RUSF1: variants seen among roughly 807,000 people sequenced by gnomAD.
RUSF1 encodes the protein RUS1 family protein C16orf58.
RUSF1 carries 58 observed loss-of-function variants against 63.0 expected under a neutral mutation model. The ratio of observed to expected loss-of-function variants is 0.92; its 90% confidence interval spans 0.75 to 1.15. The LOEUF (loss-of-function observed/expected upper bound fraction) is 1.15. Among genes scored for constraint, RUSF1 ranks in the 50% most tolerant of loss-of-function variants. RUSF1 has a pLI of 0.00. For missense variants in RUSF1, 652 were observed against 611.0 expected (o/e 1.07, Z -0.71); for synonymous variants, 274 against 255.8 (o/e 1.07, Z -0.68).
At position 31,492,043 on chromosome 16, in the gene RUSF1, T is replaced by G. The variant is rs764468923; in HGVS notation, c.1275A>C (p.Glu425Asp). 4 of 1,614,150 alleles carry G rather than the reference T, an allele frequency of 2.5e-6. No individual in the cohort carries two copies. The highest frequency in any genetic ancestry group is 3.4e-6 in the Non-Finnish European group (4 of 1,180,010). The change falls in exon 12 of 13, where the codon GAA (glutamate) becomes GAC (aspartate). Residue 425 changes from glutamate to aspartate, a missense_variant. By Grantham distance (45) the Glu-to-Asp change is conservative (BLOSUM62 2). Coordinates refer to ENST00000327237, the MANE Select transcript of RUSF1 (RefSeq NM_022744.4). The stretch of plus-strand genomic sequence containing the variant: ...ACTTTGGGAACAGCATGTCCAACAC[T>G]TCGTGTGTCTCCTTGACGACGACCC... Reference protein sequence around the residue: ...ESWVVVKETHEVLDMLFPKFL... With the variant: ...ESWVVVKETHDVLDMLFPKFL...
rs577520003 is a variant in RUSF1 at position 31,499,334 on chromosome 16, T to G, written c.568A>C (p.Thr190Pro). 1 of 1,613,724 alleles carries G rather than the reference T, an allele frequency of 6.2e-7. No homozygotes were observed. Among genetic ancestry groups the G allele is most frequent in the Non-Finnish European group, 8.5e-7 (1 of 1,179,844 alleles). The stretch of plus-strand genomic sequence containing the variant: ...AGGTTGCTGGTGGAGACGGTCATGG[T>G]GAAACAGATTGGGTATACAGGAGCC... ...IMAPVYPICF[T>P]MTVSTSNLAK... Residue 190 changes from threonine to proline, a missense_variant, in exon 5 of 13, where the codon ACC (threonine) becomes CCC (proline). Coordinates refer to ENST00000327237, the MANE Select transcript of RUSF1 (RefSeq NM_022744.4).
In RUSF1 at chr16:31,489,520, C is replaced by G. The variant is rs2082540456; in HGVS notation, c.*1315G>C. 1 of 647,674 alleles carries G rather than the reference C, an allele frequency of 1.5e-6. No individual in the cohort carries two copies. Among genetic ancestry groups the G allele is most frequent in the Non-Finnish European group, 2.7e-6 (1 of 365,188 alleles). The allele number at this position is 647,674 out of a possible 1,614,324, so 40.1% of individuals were successfully genotyped here. ...TTTAAATACATTTATTTGAACCGGC[C>G]TGGGGGAGGCTTGATGTTGATGGGT... On this transcript the variant is annotated 3_prime_UTR_variant, in exon 13 of 13. Transcript: ENST00000327237.
chr16:31,508,062 G>T lies in RUSF1; in HGVS notation c.300+12C>A. On this transcript the variant is annotated intron_variant, in intron 1 of 12. Coordinates refer to ENST00000327237, the MANE Select transcript of RUSF1 (RefSeq NM_022744.4). ...GCCTGCACTGTCCTCTGCCCCAGAC[G>T]ACCGAGCTGACCTGCACGGAATCCC... is the stretch of plus-strand genomic sequence containing the variant. 6.3e-7 allele frequency: 1 copy of T among 1,595,830 alleles called. No individual in the cohort carries two copies. Among genetic ancestry groups the T allele is most frequent in the Non-Finnish European group, 8.5e-7 (1 of 1,172,346 alleles).
At position 31,489,765 on chromosome 16, in the gene RUSF1, C is replaced by T. The variant is rs2082543828; in HGVS notation, c.*1070G>A. On this transcript the variant is annotated 3_prime_UTR_variant, in exon 13 of 13. Coordinates refer to ENST00000327237, the MANE Select transcript of RUSF1 (RefSeq NM_022744.4). ...AAGGATGGCCGGGTTTCTGCAGCAGCAGGAGGAAAGGGTGGGAGCACACAG... is the reference window on the plus strand; with the variant it reads ...AAGGATGGCCGGGTTTCTGCAGCAGTAGGAGGAAAGGGTGGGAGCACACAG... The T allele has an allele frequency of 2.2e-6, 1 of 447,398 alleles. No homozygotes were observed. The highest frequency in any genetic ancestry group is 2.1e-5 in the South Asian group (1 of 47,864). 27.7% of individuals were successfully genotyped at this position (447,398 alleles called of 1,614,324 possible).
intron 2 of RUSF1, among the ~76,000 whole-genome samples, chr16:31,501,183 T>C (rs1240160811): frequency 6.6e-6 from 1 of 152,208 alleles, no homozygotes; most frequent in Non-Finnish European, 1.5e-5. Context: ...TTGGTAAAAC[T>C]ATTCAAAAAA....
At chr16:31,492,466 C>G (rs927318027) in intron 10 of RUSF1, 126 bp from the exon 11 acceptor site, 1 of 1,088,042 alleles carries the variant, frequency 9.2e-7, no homozygotes, top group Non-Finnish European at 1.2e-6. Flanking sequence ...AGCACCTCAC[C>G]CTTTCCTTTC....
chr16:31,494,916 TC>T (rs1375904104), intron 6 of RUSF1, among the ~76,000 whole-genome samples: 1 of 152,052 alleles, frequency 6.6e-6, no homozygotes, highest in African/African-American at 2.4e-5. Context: ...GCTCAAGCAA[TC>T]CCCACCTCAG....
chr16:31,502,385 C>T (rs1333259877), intron 2 of RUSF1, among the ~76,000 whole-genome samples: 2 of 152,194 alleles, frequency 1.3e-5, no homozygotes, highest in African/African-American at 4.8e-5. Flanking sequence ...TCAGTAAGCG[C>T]TCCAGTGCAC....
Position 31,496,366 on chromosome 16 carries a change from G to A in RUSF1, c.702+483C>T, listed in dbSNP as rs576336787. On this transcript the variant is annotated intron_variant, in intron 6 of 12. Coordinates refer to ENST00000327237, the MANE Select transcript of RUSF1 (RefSeq NM_022744.4). ...GTGAGAGTTAAGTGATGCAGTACAC[G>A]TAAGCACTCAGCACGGGGTTTGTAG... Among the ~76,000 whole-genome samples, 13 of 152,274 alleles carry A rather than the reference G, an allele frequency of 8.5e-5. No individual in the cohort carries two copies. The South Asian group carries it at 1.0e-3, about 12-fold the overall frequency.
At position 31,496,966 on chromosome 16, in the gene RUSF1, A is replaced by C; in HGVS notation, c.601-16T>G. ...TCACGATGCACTGGGTGGGAGGGGAAGAGAGAAGGTTGGCAGAGACACGTG... is the reference window on the plus strand; with the variant it reads ...TCACGATGCACTGGGTGGGAGGGGACGAGAGAAGGTTGGCAGAGACACGTG... On this transcript the variant is annotated splice_polypyrimidine_tract_variant and intron_variant, in intron 5 of 12. Coordinates refer to ENST00000327237, the MANE Select transcript of RUSF1 (RefSeq NM_022744.4). The C allele has an allele frequency of 6.3e-7, 1 of 1,585,226 alleles. No homozygotes were observed.
At position 31,492,027 on chromosome 16, in the gene RUSF1, A is replaced by C. The variant is rs773995883; in HGVS notation, c.1291T>G (p.Phe431Val). The change falls in exon 12 of 13, where the codon TTC (phenylalanine) becomes GTC (valine). Residue 431 changes from phenylalanine (F) to valine (V), a missense_variant. Phe to Val is a conservative substitution (Grantham distance 50, BLOSUM62 -1). Transcript: ENST00000327237. Reference sequence around the variant, plus strand: ...ATGTTACCTTTCAAGAACTTTGGGAACAGCATGTCCAACACTTCGTGTGTC... The same window carrying C: ...ATGTTACCTTTCAAGAACTTTGGGACCAGCATGTCCAACACTTCGTGTGTC... ...KETHEVLDML[F>V]PKFLKGLQDA... The C allele has an allele frequency of 1.2e-6, 2 of 1,614,202 alleles. No homozygotes were observed. Among genetic ancestry groups the C allele is most frequent in the Middle Eastern group, 1.7e-4 (1 of 6,060 alleles).
At chr16:31,498,130 G>A (rs960652912) in intron 5 of RUSF1, among the ~76,000 whole-genome samples, 5 of 152,174 alleles carry the variant, frequency 3.3e-5, no homozygotes, top group South Asian at 2.1e-4. Flanking sequence ...TGGTGGTGGC[G>A]GCAGCATAGA....
rs2082575408 is a variant in RUSF1, at chr16:31,492,286, G to A, written c.1142C>T (p.Ala381Val). 6.2e-7 allele frequency: 1 copy of A among 1,612,062 alleles called. No individual in the cohort carries two copies. The highest frequency in any genetic ancestry group is 8.5e-7 in the Non-Finnish European group (1 of 1,178,990). ...QKAGPKTILR[A>V]ATHGLMLGAL... ...CCCAAGCATCAGCCCATGTGTGGCGGCCCTTAGGATGGTCTTGGGGCCTGC... is the reference window on the plus strand; with the variant it reads ...CCCAAGCATCAGCCCATGTGTGGCGACCCTTAGGATGGTCTTGGGGCCTGC... The change falls in exon 11 of 13, where the codon GCC (alanine) becomes GTC (valine). Residue 381 changes from alanine to valine, a missense_variant. Coordinates refer to ENST00000327237, the MANE Select transcript of RUSF1 (RefSeq NM_022744.4).
Position 31,490,061 on chromosome 16 carries a change from G to T in RUSF1, c.*774C>A. On this transcript the variant is annotated 3_prime_UTR_variant, in exon 13 of 13. Coordinates refer to ENST00000327237, the MANE Select transcript of RUSF1 (RefSeq NM_022744.4). ...CAAGAGACTTTAGGGCCAGGCATGG[G>T]GGGACAGAACTCCCACCTCGTTCGT... is the stretch of plus-strand genomic sequence containing the variant. 6.2e-7 allele frequency: 1 copy of T among 1,611,658 alleles called. No individual in the cohort carries two copies. Among genetic ancestry groups the T allele is most frequent in the Non-Finnish European group, 8.5e-7 (1 of 1,179,804 alleles).
Position 31,508,112 on chromosome 16 carries a change from G to C in RUSF1, c.262C>G (p.Pro88Ala), listed in dbSNP as rs757692141. The C allele has an allele frequency of 3.1e-6, 5 of 1,604,820 alleles. No homozygotes were observed. In the African/African-American group the frequency reaches 6.7e-5, roughly 22 times the overall value. Residue 88 changes from proline to alanine, a missense_variant, in exon 1 of 13, where the codon CCG (proline) becomes GCG (alanine). Physicochemically the swap from Pro to Ala is conservative, Grantham distance 27. Coordinates refer to ENST00000327237, the MANE Select transcript of RUSF1 (RefSeq NM_022744.4). ...LPQGFPDSVS[P>A]DYLPYQLWDS... is the part of the protein sequence containing the mutation. ...CACAGCTGGTAGGGCAAGTAGTCCGGGCTGACGCTATCAGGGAAGCCCTGA... is the reference window on the plus strand; with the variant it reads ...CACAGCTGGTAGGGCAAGTAGTCCGCGCTGACGCTATCAGGGAAGCCCTGA...
intron 6 of RUSF1, among the ~76,000 whole-genome samples, chr16:31,495,203 G>T (rs969376891): frequency 6.6e-6 from 1 of 152,158 alleles, no homozygotes; most frequent in African/African-American, 2.4e-5. Context: ...TCATGAGGGA[G>T]GAGTCTGGAT....
intron 9 of RUSF1, 107 bp from the exon 10 acceptor site, chr16:31,493,155 T>C: frequency 1.7e-6 from 2 of 1,171,752 alleles, no homozygotes; most frequent in Non-Finnish European, 2.5e-6. Context: ...CAGGCTTCAC[T>C]CAGGTCCCCT....
At position 31,489,891 on chromosome 16, in the gene RUSF1, C is replaced by T. The variant is rs746975838; in HGVS notation, c.*944G>A. 9 of 616,602 alleles carry T rather than the reference C, an allele frequency of 1.5e-5. No homozygotes were observed. Among genetic ancestry groups the T allele is most frequent in the South Asian group, 5.4e-5 (3 of 55,624 alleles). 38.2% of individuals were successfully genotyped at this position (616,602 alleles called of 1,614,324 possible). A position where few individuals can be genotyped will look rare whatever the true frequency, so the allele number is the denominator to read the frequency against. On this transcript the variant is annotated 3_prime_UTR_variant, in exon 13 of 13. Coordinates refer to ENST00000327237, the MANE Select transcript of RUSF1 (RefSeq NM_022744.4). ...GACAAAGCTGGGGGAGCAAGGCCAA[C>T]GGCTTTAAACACAAGCTCAGGGGCT...
chr16:31,504,055 C>T (rs192727385), intron 2 of RUSF1, among the ~76,000 whole-genome samples: 4 of 152,110 alleles, frequency 2.6e-5, no homozygotes, highest in South Asian at 2.1e-4. Flanking sequence ...CCTGCCACCA[C>T]GCCTGGCCAA....
Sources: allele counts gnomAD v4.1 joint callset (sites outside exome capture counted in the v4.1 genomes callset), GRCh38; gene constraint gnomAD v4.1.1; transcripts MANE v1.5; gene names NCBI Gene and HGNC (gene_info 2026-07-23, HGNC 2026-07-21).